SREBF2: variants seen among roughly 807,000 people sequenced by gnomAD.
The protein encoded by SREBF2 is sterol regulatory element-binding protein 2.
Under a neutral mutation model 113.1 loss-of-function variants are expected in SREBF2, and 55 were observed. That is an observed-to-expected ratio of 0.49 (90% CI 0.39 to 0.61). The LOEUF (loss-of-function observed/expected upper bound fraction) is 0.61. SREBF2 is among the 20% of genes least tolerant of loss of function. The probability of loss-of-function intolerance (pLI) is 0.00; values close to 1 mark genes in which losing one functional copy is unlikely to be tolerated. For synonymous variants in SREBF2, 593 were observed against 605.7 expected (o/e 0.98, Z 0.31); for missense variants, 1,349 against 1,487.4 (o/e 0.91, Z 1.53).
At chr22:41,893,087 G>T in intron 11 of SREBF2, 30 bp from the exon 12 acceptor site, 1 of 1,611,326 alleles carries the variant, frequency 6.2e-7, no homozygotes, top group Non-Finnish European at 8.5e-7. Flanking sequence ...TGCCACCTTG[G>T]TGTTACCCCT....
intron 1 of SREBF2, among the ~76,000 whole-genome samples, chr22:41,859,497 T>C (rs2077005864): frequency 6.6e-6 from 1 of 152,210 alleles, no homozygotes; most frequent in South Asian, 2.1e-4. Context: ...GTTTTTCTCA[T>C]GCATAAGCAA....
At chr22:41,880,482 A>G (rs2077234978) in intron 9 of SREBF2, among the ~76,000 whole-genome samples, 1 of 152,148 alleles carries the variant, frequency 6.6e-6, no homozygotes, top group Non-Finnish European at 1.5e-5. Flanking sequence ...TACAATCTCA[A>G]TCGAGTAAAA....
At chr22:41,891,224 C>T (rs2077358878) in intron 11 of SREBF2, 1 of 152,246 alleles carries the variant, frequency 6.6e-6, no homozygotes, top group Non-Finnish European at 1.5e-5. Flanking sequence ...CTCAGCTCCT[C>T]AACTGCTATT....
At chr22:41,875,117 C>A (rs570601460) in intron 5 of SREBF2, among the ~76,000 whole-genome samples, 1 of 152,288 alleles carries the variant, frequency 6.6e-6, no homozygotes, top group African/African-American at 2.4e-5. Flanking sequence ...CTGTGATTCA[C>A]GCGCTTTCAT....
chr22:41,896,938 A>T (rs904074739), intron 13 of SREBF2, 114 bp from the exon 14 acceptor site: 9 of 730,422 alleles, frequency 1.2e-5, no homozygotes, highest in Non-Finnish European at 1.9e-5. Context: ...GGATGACAGG[A>T]AAGGGACAGA....
chr22:41,842,023 A>C (rs7287886), intron 1 of SREBF2, among the ~76,000 whole-genome samples: 17,921 of 152,314 alleles, frequency 0.12, 1,341 homozygotes, highest in South Asian at 0.19. Context: ...GGAGTCTTCA[A>C]GTTCAGCTGG....
At chr22:41,837,763 C>A (rs1487131099) in intron 1 of SREBF2, among the ~76,000 whole-genome samples, 1 of 149,068 alleles carries the variant, frequency 6.7e-6, no homozygotes, top group African/African-American at 2.5e-5. Context: ...GAGGCTAAGG[C>A]AGGAGAATTG....
chr22:41,870,659 C>A (rs1438024446), intron 3 of SREBF2, among the ~76,000 whole-genome samples: 2 of 148,164 alleles, frequency 1.3e-5, no homozygotes, highest in Admixed American at 6.7e-5. Flanking sequence ...AAAGCCAGGA[C>A]CCTCATTAGC....
intron 15 of SREBF2, chr22:41,899,685 G>A (rs1415769041): frequency 4.9e-6 from 3 of 614,940 alleles, no homozygotes; most frequent in Non-Finnish European, 6.2e-6. Context: ...CCACCTGTAT[G>A]TGTGTCTCCC....
At chr22:41,905,237 T>C (rs1264880595) in intron 18 of SREBF2, among the ~76,000 whole-genome samples, 1 of 152,150 alleles carries the variant, frequency 6.6e-6, no homozygotes, top group Non-Finnish European at 1.5e-5. Context: ...TCGAGCCAGG[T>C]CATGTGGGCC....
At chr22:41,853,045 C>T (rs751997889) in intron 1 of SREBF2, among the ~76,000 whole-genome samples, 16 of 152,092 alleles carry the variant, frequency 1.1e-4, no homozygotes, top group African/African-American at 2.7e-4. Flanking sequence ...CCACTGTGCC[C>T]GGCCAGTGAT....
In SREBF2 at chr22:41,872,225, G is replaced by A. The variant is rs566097620; in HGVS notation, c.867+1190G>A. 9.6e-4 allele frequency among the ~76,000 whole-genome samples: 144 copies of A among 149,840 alleles called. 1 individual carries two copies. Among genetic ancestry groups the A allele is most frequent in the African/African-American group, 3.5e-3 (142 of 40,538 alleles). The stretch of plus-strand genomic sequence containing the variant: ...AGATTGCGCCACTGCACTCCAGCCC[G>A]GGCGACAGAGCAAATCTCCGTCTCA... On this transcript the variant is annotated intron_variant, in intron 4 of 18. Coordinates refer to ENST00000361204, the MANE Select transcript of SREBF2 (RefSeq NM_004599.4).
intron 11 of SREBF2, among the ~76,000 whole-genome samples, chr22:41,890,604 G>T (rs1569405237): frequency 6.6e-6 from 1 of 152,150 alleles, no homozygotes; most frequent in South Asian, 2.1e-4. Flanking sequence ...GAGTTACAGG[G>T]GGAGGCTCCT....
chr22:41,850,216 G>A lies in SREBF2; in HGVS notation c.89-16615G>A, dbSNP rs374806539. Among the ~76,000 whole-genome samples the A allele has an allele frequency of 7.2e-5, 11 of 152,156 alleles. No individual in the cohort carries two copies. In the South Asian group the frequency reaches 1.7e-3, roughly 23 times the overall value. On this transcript the variant is annotated intron_variant, in intron 1 of 18. Transcript: ENST00000361204. The stretch of plus-strand genomic sequence containing the variant: ...TGTAATCCCAGCACTTTGGGAGGCC[G>A]AGGCAGGTGGATCACAAGGGCAGGA...
chr22:41,899,022 G>T, intron 15 of SREBF2: 1 of 641,678 alleles, frequency 1.6e-6, no homozygotes, highest in Non-Finnish European at 2.6e-6. Context: ...TGTCAGCACT[G>T]TGTCCGGGTC....
At chr22:41,855,134 A>G (rs2076966428) in intron 1 of SREBF2, among the ~76,000 whole-genome samples, 2 of 152,152 alleles carry the variant, frequency 1.3e-5, no homozygotes, top group Admixed American at 1.3e-4. Flanking sequence ...AACATTGTTA[A>G]TGAAGATAAC....
At chr22:41,871,175 C>T (rs774946333) in intron 4 of SREBF2, 140 bp downstream of exon 4, 1 of 1,193,828 alleles carries the variant, frequency 8.4e-7, no homozygotes, top group Non-Finnish European at 1.2e-6. Context: ...TAAATGTCAC[C>T]CCTCTTAGTT....
chr22:41,854,134 T>C (rs1257671154), intron 1 of SREBF2, among the ~76,000 whole-genome samples: 1 of 115,414 alleles, frequency 8.7e-6, no homozygotes, highest in Non-Finnish European at 1.8e-5. Context: ...AGTTTTTTTG[T>C]TGTTGTTGTT....
At chr22:41,884,737 G>A (rs1000710030) in intron 10 of SREBF2, 105 bp from the exon 11 acceptor site, 15 of 1,244,724 alleles carry the variant, frequency 1.2e-5, no homozygotes, top group African/African-American at 5.9e-5. Flanking sequence ...AGTTCACCTC[G>A]CTTCTCCCCT....
Sources: allele counts gnomAD v4.1 joint callset (sites outside exome capture counted in the v4.1 genomes callset), GRCh38; gene constraint gnomAD v4.1.1; transcripts MANE v1.5; gene names NCBI Gene and HGNC (gene_info 2026-07-23, HGNC 2026-07-21).